FHIT: variants seen among roughly 807,000 people sequenced by gnomAD.
FHIT encodes fragile histidine triad diadenosine triphosphatase, also known as bis(5'-adenosyl)-triphosphatase.
In FHIT, 19 loss-of-function variants were observed where a neutral mutation model predicts 17.9. The ratio of observed to expected loss-of-function variants is 1.06; its 90% CI spans 0.74 to 1.56. The LOEUF (loss-of-function observed/expected upper bound fraction) is 1.56. Among genes scored for constraint, FHIT ranks in the 40% most tolerant of loss-of-function variants. The pLI is 0.00. For missense variants in FHIT, 248 were observed against 189.2 expected (o/e 1.31, Z -1.82); for synonymous variants, 81 against 69.7 (o/e 1.16, Z -0.81).
At chr3:60,613,050 G>T (rs1180188021) in intron 4 of FHIT, among the ~76,000 whole-genome samples, 1 of 152,194 alleles carries the variant, frequency 6.6e-6, no homozygotes, top group East Asian at 1.9e-4. Flanking sequence ...AAGGGATCTT[G>T]CCTGCAGGAA....
At chr3:60,882,757 T>C (rs537708169) in intron 3 of FHIT, among the ~76,000 whole-genome samples, 142 of 152,182 alleles carry the variant, frequency 9.3e-4, no homozygotes, top group African/African-American at 3.3e-3. Context: ...TACCTAACAT[T>C]ATACTGAACA....
chr3:60,932,458 C>T (rs1304841873), intron 3 of FHIT, among the ~76,000 whole-genome samples: 2 of 152,166 alleles, frequency 1.3e-5, no homozygotes, highest in Non-Finnish European at 2.9e-5. Context: ...AAGACAATGG[C>T]AGGCAGCATT....
chr3:61,232,338 G>A (rs2040126753), intron 1 of FHIT, among the ~76,000 whole-genome samples: 1 of 152,220 alleles, frequency 6.6e-6, no homozygotes, highest in Non-Finnish European at 1.5e-5. Context: ...AGTGAGCTGA[G>A]ATCTTGCCAC....
At chr3:60,773,078 CTCTT>C (rs1700100216) in intron 4 of FHIT, among the ~76,000 whole-genome samples, 1 of 152,174 alleles carries the variant, frequency 6.6e-6, no homozygotes, top group Non-Finnish European at 1.5e-5. Flanking sequence ...GTCAACTAAA[CTCTT>C]TCTTTACTGC....
chr3:60,957,424 A>C (rs1553779327), intron 3 of FHIT, among the ~76,000 whole-genome samples: 2 of 151,856 alleles, frequency 1.3e-5, no homozygotes, highest in Non-Finnish European at 2.9e-5. Flanking sequence ...GTTTTAGTAG[A>C]GATGGGGTTT....
At chr3:60,139,842 A>G (rs7626928) in intron 5 of FHIT, among the ~76,000 whole-genome samples, 96,520 of 151,420 alleles carry the variant, frequency 0.64, 32,311 homozygotes, top group African/African-American at 0.84. Context: ...ATGGTTAACT[A>G]TGGCCACGCA....
chr3:60,614,502 C>T (rs1333022062), intron 4 of FHIT, among the ~76,000 whole-genome samples: 3 of 151,974 alleles, frequency 2.0e-5, no homozygotes, highest in African/African-American at 7.2e-5. Context: ...TACTCAGAAG[C>T]CTAAGTCAGG....
At chr3:60,380,697 C>T (rs1335102338) in intron 5 of FHIT, among the ~76,000 whole-genome samples, 1 of 152,146 alleles carries the variant, frequency 6.6e-6, no homozygotes, top group African/African-American at 2.4e-5. Flanking sequence ...TCTTTTCAGA[C>T]CTATATTAAA....
At chr3:60,832,810 T>A (rs1553742939) in intron 3 of FHIT, among the ~76,000 whole-genome samples, 3 of 152,168 alleles carry the variant, frequency 2.0e-5, no homozygotes, top group African/African-American at 4.8e-5. Context: ...TAACCCAATA[T>A]ATCAAAAATA....
intron 5 of FHIT, among the ~76,000 whole-genome samples, chr3:60,270,570 T>C (rs544981497): frequency 5.3e-5 from 8 of 152,286 alleles, no homozygotes; most frequent in African/African-American, 1.2e-4. Context: ...ATGCAGAAGA[T>C]TGAAATCTGT....
chr3:59,799,103 T>G lies in FHIT; in HGVS notation c.349-46782A>C, dbSNP rs199607012. 3.5e-3 allele frequency among the ~76,000 whole-genome samples: 215 copies of G among 60,914 alleles called. 3 individuals carry two copies. In the East Asian group the frequency reaches 0.054, roughly 15 times the overall value. 40.0% of individuals were successfully genotyped at this position (60,914 alleles called of 152,430 possible). On this transcript the variant is annotated intron_variant, in intron 8 of 9. Transcript: ENST00000492590. ...TTCTAGAAACACTAGGAAATCTACT[T>G]AAATATTTTTTAACTCAGTTTTAAA... is the stretch of plus-strand genomic sequence containing the variant.
intron 5 of FHIT, among the ~76,000 whole-genome samples, chr3:60,440,379 C>T (rs972765154): frequency 6.6e-6 from 1 of 152,054 alleles, no homozygotes; most frequent in Non-Finnish European, 1.5e-5. Context: ...ATCATTTACA[C>T]AGTGCCATTC....
At chr3:60,017,364 C>G (rs1423627677) in intron 5 of FHIT, among the ~76,000 whole-genome samples, 3 of 152,196 alleles carry the variant, frequency 2.0e-5, no homozygotes, top group Non-Finnish European at 4.4e-5. Context: ...GGGGAGAGTA[C>G]CAGCTTGCCT....
At chr3:60,327,183 C>A (rs912599749) in intron 5 of FHIT, among the ~76,000 whole-genome samples, 1 of 152,198 alleles carries the variant, frequency 6.6e-6, no homozygotes, top group Non-Finnish European at 1.5e-5. Context: ...TCTTCTTCAT[C>A]AGCTTCTTTA....
intron 2 of FHIT, among the ~76,000 whole-genome samples, chr3:61,103,330 G>A (rs1349134994): frequency 6.6e-6 from 1 of 152,178 alleles, no homozygotes; most frequent in Non-Finnish European, 1.5e-5. Context: ...TCATTCAGGA[G>A]CTGGTTGTTC....
At chr3:60,149,487 G>C (rs879667312) in intron 5 of FHIT, among the ~76,000 whole-genome samples, 1 of 152,060 alleles carries the variant, frequency 6.6e-6, no homozygotes, top group Non-Finnish European at 1.5e-5. Flanking sequence ...CAAGTATATG[G>C]TATTTTGATC....
intron 5 of FHIT, among the ~76,000 whole-genome samples, chr3:60,104,085 C>T (rs540491697): frequency 6.6e-6 from 1 of 152,286 alleles, no homozygotes; most frequent in Admixed American, 6.5e-5. Context: ...AAGGTAGACT[C>T]TTTTTAAACC....
intron 1 of FHIT, among the ~76,000 whole-genome samples, chr3:61,206,506 T>C (rs2039237412): frequency 6.6e-6 from 1 of 152,190 alleles, no homozygotes; most frequent in Non-Finnish European, 1.5e-5. Context: ...AGCAGTGGTT[T>C]GTAGTTCTCC....
rs571668655 is a variant in FHIT, at chr3:59,856,457, T to C, written c.348+65889A>G. 1.3e-3 allele frequency among the ~76,000 whole-genome samples: 200 copies of C among 152,354 alleles called. 1 individual carries two copies. The highest frequency in any genetic ancestry group is 4.7e-3 in the African/African-American group (196 of 41,582). On this transcript the variant is annotated intron_variant, in intron 8 of 9. Transcript: ENST00000492590. ...AAAAGAGATTATTCCCCATAGATTC[T>C]GTAAATCAGTATAACCCTGTTACTA...
Sources: allele counts gnomAD v4.1 joint callset (sites outside exome capture counted in the v4.1 genomes callset), GRCh38; gene constraint gnomAD v4.1.1; transcripts MANE v1.5; gene names NCBI Gene and HGNC (gene_info 2026-07-23, HGNC 2026-07-21).